Variants in ATP11C observed in about 807,000 individuals in gnomAD.
ATP11C encodes ATPase phospholipid transporting 11C (ATP11C blood group).
ATP11C carries 36 observed loss-of-function variants against 97.4 expected under a neutral mutation model. That is an observed-to-expected ratio of 0.37 (90% CI 0.28 to 0.49). ATP11C has a LOEUF of 0.49. ATP11C is among the 20% of genes least tolerant of loss of function. The pLI is 0.98. For missense variants in ATP11C, 730 were observed against 824.6 expected (o/e 0.89, Z 1.40); for synonymous variants, 275 against 290.9 (o/e 0.95, Z 0.56).
chrX:139,765,656 A>AC (rs1371520363), intron 20 of ATP11C, among the ~76,000 whole-genome samples: 4 of 112,391 alleles, frequency 3.6e-5, no homozygotes, highest in Non-Finnish European at 7.5e-5. Context: ...CCAGATAAAT[A>AC]CAGTAAATGC....
At chrX:139,896,183 T>C (rs777362800) in intron 1 of ATP11C, among the ~76,000 whole-genome samples, 17 of 111,128 alleles carry the variant, frequency 1.5e-4, no homozygotes, top group African/African-American at 5.6e-4. Context: ...TTCAGAAAGG[T>C]GACCAAGTTA....
chrX:139,929,501 C>T (rs969085951), intron 1 of ATP11C, among the ~76,000 whole-genome samples: 2 of 111,405 alleles, frequency 1.8e-5, no homozygotes, highest in African/African-American at 6.5e-5. Context: ...TGTAAGAATC[C>T]TAAGGGATTC....
chrX:139,846,336 A>G (rs186080463), intron 1 of ATP11C, among the ~76,000 whole-genome samples: 133 of 112,127 alleles, frequency 1.2e-3, no homozygotes, highest in African/African-American at 3.9e-3. Context: ...AAATCTCAGT[A>G]AGGACCACCT....
Position 139,930,354 on chromosome X carries a change from T to A in ATP11C, c.27+1662A>T, listed in dbSNP as rs1603420875. On this transcript the variant is annotated intron_variant, in intron 1 of 29. Coordinates refer to ENST00000682941, the MANE Select transcript of ATP11C (RefSeq NM_001353812.2). Reference sequence around the variant, plus strand: ...ACTTGAGTTGTTCGGTTTCAAATGTTCAAATCCTTAAAAAAAAAAAAAAAG... The same window carrying A: ...ACTTGAGTTGTTCGGTTTCAAATGTACAAATCCTTAAAAAAAAAAAAAAAG... 2.8e-5 allele frequency among the ~76,000 whole-genome samples: 3 copies of A among 108,243 alleles called. No individual in the cohort carries two copies. In the South Asian group the frequency reaches 1.2e-3, roughly 44 times the overall value. 94.0% of individuals were successfully genotyped at this position (108,243 alleles called of 115,157 possible). A position where few individuals can be genotyped will look rare whatever the true frequency, so the allele number is the denominator to read the frequency against.
At chrX:139,800,608 C>T (rs2082906987) in intron 7 of ATP11C, among the ~76,000 whole-genome samples, 2 of 111,630 alleles carry the variant, frequency 1.8e-5, no homozygotes, top group Non-Finnish European at 3.8e-5. Flanking sequence ...AGTAATGCTG[C>T]TGCTGCTGGT....
At chrX:139,743,526 A>AT (rs2081616280) in intron 26 of ATP11C, 33 bp downstream of exon 26, 1 of 955,395 alleles carries the variant, frequency 1.0e-6, no homozygotes, top group Non-Finnish European at 1.5e-6. Context: ...TAAAAACAGT[A>AT]TTAAAAAATA....
intron 19 of ATP11C, among the ~76,000 whole-genome samples, chrX:139,769,281 CATATATATATATATATATATATAT>C (rs55984113): frequency 0.011 from 322 of 28,089 alleles, 9 homozygotes; most frequent in African/African-American, 0.025. Flanking sequence ...GGCAAACATA[CATATATATATATATATATATATAT>C]ATATATATAT....
At chrX:139,875,370 C>T (rs1047048969) in intron 1 of ATP11C, among the ~76,000 whole-genome samples, 6 of 98,126 alleles carry the variant, frequency 6.1e-5, no homozygotes, top group South Asian at 5.0e-4. Flanking sequence ...CCGAGGTGGG[C>T]GGATCGCTTG....
At chrX:139,899,476 CAA>C (rs767608156) in intron 1 of ATP11C, among the ~76,000 whole-genome samples, 3 of 59,483 alleles carry the variant, frequency 5.0e-5, no homozygotes, top group African/African-American at 6.3e-5. Context: ...GACTGCGTCT[CAA>C]AAAAAAAAAA....
At chrX:139,875,939 C>T (rs922378729) in intron 1 of ATP11C, among the ~76,000 whole-genome samples, 3 of 111,978 alleles carry the variant, frequency 2.7e-5, no homozygotes, top group Admixed American at 9.5e-5. Context: ...TTATCTGAGA[C>T]GTTTTTCTTT....
intron 7 of ATP11C, 147 bp from the exon 8 acceptor site, chrX:139,800,257 G>A: frequency 2.3e-6 from 1 of 432,679 alleles, no homozygotes; most frequent in South Asian, 3.8e-5. Context: ...ATATTTCTGG[G>A]GGAAAAAAAG....
intron 1 of ATP11C, among the ~76,000 whole-genome samples, chrX:139,834,121 A>G: frequency 9.0e-6 from 1 of 111,667 alleles, no homozygotes; most frequent in Non-Finnish European, 1.9e-5. Flanking sequence ...TTTTGGTGCT[A>G]CCCCTGCCTA....
rs1235966378 is a variant in ATP11C, at chrX:139,763,424, T to C, written c.2392-6A>G. 1 of 1,179,249 alleles carries C rather than the reference T, an allele frequency of 8.5e-7. No homozygotes were observed. The highest frequency in any genetic ancestry group is 1.2e-6 in the Non-Finnish European group (1 of 867,541). ...TTCTTCACCATTCTGACAATCTAAA[T>C]ATTAAATACAAAAGAGGTGTAAAAA... On this transcript the variant is annotated splice_region_variant and splice_polypyrimidine_tract_variant and intron_variant, in intron 20 of 29. Transcript: ENST00000682941.
At chrX:139,875,880 C>A (rs1172409266) in intron 1 of ATP11C, among the ~76,000 whole-genome samples, 2 of 111,706 alleles carry the variant, frequency 1.8e-5, no homozygotes, top group Non-Finnish European at 3.8e-5. Context: ...AGGAGTAGAG[C>A]AGGATACAGG....
intron 1 of ATP11C, among the ~76,000 whole-genome samples, chrX:139,886,824 T>C: frequency 9.1e-6 from 1 of 110,421 alleles, no homozygotes; most frequent in East Asian, 2.8e-4. Context: ...GCAAATAAAA[T>C]CCCGTTTCTT....
At chrX:139,744,753 G>C (rs2081644106) in intron 25 of ATP11C, among the ~76,000 whole-genome samples, 1 of 111,859 alleles carries the variant, frequency 8.9e-6, no homozygotes, top group Non-Finnish European at 1.9e-5. Context: ...TCTTTGGCAA[G>C]TTCTACATGT....
rs1015490320 is a variant in ATP11C, at chrX:139,764,386, A to G, written c.2392-968T>C. Among the ~76,000 whole-genome samples, 13 of 112,580 alleles carry G rather than the reference A, an allele frequency of 1.2e-4. No individual in the cohort carries two copies. The South Asian group carries it at 2.6e-3, about 22-fold the overall frequency. Reference sequence around the variant, plus strand: ...AAGATGTATAAATGTACTGAATAAAATGTTCATCCCTGGTATTAAAATACT... The same window carrying G: ...AAGATGTATAAATGTACTGAATAAAGTGTTCATCCCTGGTATTAAAATACT... On this transcript the variant is annotated intron_variant, in intron 20 of 29. Transcript: ENST00000682941.
At chrX:139,760,836 T>C (rs1294442842) in intron 22 of ATP11C, among the ~76,000 whole-genome samples, 1 of 112,037 alleles carries the variant, frequency 8.9e-6, no homozygotes, top group African/African-American at 3.2e-5. Context: ...CAACATAAAT[T>C]AAGTGAAAAA....
chrX:139,754,456 G>A (rs2081889218), intron 23 of ATP11C, among the ~76,000 whole-genome samples: 1 of 111,620 alleles, frequency 9.0e-6, no homozygotes, highest in Non-Finnish European at 1.9e-5. Context: ...CAAAAAAATT[G>A]AGAAGGAGGG....
Sources: allele counts gnomAD v4.1 joint callset (sites outside exome capture counted in the v4.1 genomes callset), GRCh38; gene constraint gnomAD v4.1.1; transcripts MANE v1.5; gene names NCBI Gene and HGNC (gene_info 2026-07-23, HGNC 2026-07-21).